The following CADM1 variants were observed in gnomAD, a reference collection of about 807,000 sequenced individuals.
CADM1 encodes TSLC-1.
A neutral mutation model predicts 53.1 loss-of-function variants in CADM1; 15 were observed. The ratio of observed to expected loss-of-function variants is 0.28; its 90% CI spans 0.19 to 0.44. The LOEUF is 0.44. CADM1 is among the 20% of genes least tolerant of loss of function. CADM1 has a pLI of 1.00. For synonymous variants in CADM1, 281 were observed against 243.0 expected, an observed-to-expected ratio of 1.16 and a Z score of -1.45; for missense variants, 434 against 611.3, an observed-to-expected ratio of 0.71 and a Z score of 3.06.
At chr11:115,493,328 T>TA (rs2135431713) in intron 1 of CADM1, among the ~76,000 whole-genome samples, 1 of 151,488 alleles carries the variant, frequency 6.6e-6, no homozygotes, top group Non-Finnish European at 1.5e-5. Context: ...AGCTCTTCTT[T>TA]ATTCAGAAAT....
intron 1 of CADM1, among the ~76,000 whole-genome samples, chr11:115,434,859 T>TC (rs1948144190): frequency 9.6e-6 from 1 of 104,158 alleles, no homozygotes; most frequent in Non-Finnish European, 2.5e-5. Flanking sequence ...TTATTATTAT[T>TC]ATTATTTTTT....
chr11:115,209,859 G>A (rs1391740212), intron 7 of CADM1, among the ~76,000 whole-genome samples: 1 of 152,144 alleles, frequency 6.6e-6, no homozygotes, highest in African/African-American at 2.4e-5. Context: ...AAGAAGAAAA[G>A]AGAATTTTCA....
intron 1 of CADM1, among the ~76,000 whole-genome samples, chr11:115,456,644 T>C (rs1948689679): frequency 1.3e-5 from 2 of 152,156 alleles, no homozygotes; most frequent in South Asian, 4.1e-4. Flanking sequence ...GCAAAAAACC[T>C]GGACTTTAAT....
intron 5 of CADM1, among the ~76,000 whole-genome samples, chr11:115,225,315 G>GT (rs989546454): frequency 6.8e-6 from 1 of 147,442 alleles, no homozygotes; most frequent in Admixed American, 6.7e-5. Context: ...AATAAAAAAG[G>GT]GGGGGGGACT....
chr11:115,373,771 T>C (rs1181683799), intron 1 of CADM1, among the ~76,000 whole-genome samples: 1 of 151,982 alleles, frequency 6.6e-6, no homozygotes, highest in African/African-American at 2.4e-5. Context: ...CCTGTGGAAA[T>C]TGTTAAAAAT....
chr11:115,370,662 A>G (rs953325290), intron 1 of CADM1, among the ~76,000 whole-genome samples: 1 of 152,178 alleles, frequency 6.6e-6, no homozygotes, highest in African/African-American at 2.4e-5. Context: ...TTTGAGAAAT[A>G]CATTTCCGTT....
At chr11:115,441,076 A>G in intron 1 of CADM1, among the ~76,000 whole-genome samples, 1 of 151,828 alleles carries the variant, frequency 6.6e-6, no homozygotes, top group East Asian at 1.9e-4. Flanking sequence ...TCAAGATTTT[A>G]TCAATCACTG....
chr11:115,328,728 A>C (rs1009589790), intron 1 of CADM1, among the ~76,000 whole-genome samples: 2 of 110,260 alleles, frequency 1.8e-5, no homozygotes. Context: ...ATATATATGT[A>C]TATACATATA....
At chr11:115,337,737 G>A (rs1307226058) in intron 1 of CADM1, among the ~76,000 whole-genome samples, 1 of 152,002 alleles carries the variant, frequency 6.6e-6, no homozygotes, top group Non-Finnish European at 1.5e-5. Context: ...CCACAGATGT[G>A]GTTAAATTAA....
At chr11:115,335,856 A>G (rs1018333957) in intron 1 of CADM1, among the ~76,000 whole-genome samples, 1 of 152,288 alleles carries the variant, frequency 6.6e-6, no homozygotes, top group African/African-American at 2.4e-5. Flanking sequence ...TTCACAGAGG[A>G]AGATGCAAGT....
chr11:115,298,692 T>G (rs775135197), intron 1 of CADM1, among the ~76,000 whole-genome samples: 1 of 152,196 alleles, frequency 6.6e-6, no homozygotes, highest in South Asian at 2.1e-4. Flanking sequence ...GGTTGGAAAA[T>G]CAGCGAAGAC....
intron 1 of CADM1, among the ~76,000 whole-genome samples, chr11:115,452,613 A>G (rs1392941064): frequency 6.6e-6 from 1 of 152,226 alleles, no homozygotes; most frequent in African/African-American, 2.4e-5. Context: ...ATCTGTCTCA[A>G]AATAAAATGT....
intron 1 of CADM1, among the ~76,000 whole-genome samples, chr11:115,410,334 C>T (rs1037918986): frequency 6.6e-6 from 1 of 152,190 alleles, no homozygotes. Flanking sequence ...CTGTGTTATC[C>T]TCATTATTCC....
Position 115,169,606 on chromosome 11 carries a change from A to G in CADM1, c.*6868T>C, listed in dbSNP as rs768435286. ...TGCCCTCATCACTTTATTCTGGGAGAGGAGGTTAGAGAAAACAGGCCTAGA... is the reference window on the plus strand; with the variant it reads ...TGCCCTCATCACTTTATTCTGGGAGGGGAGGTTAGAGAAAACAGGCCTAGA... On this transcript the variant is annotated 3_prime_UTR_variant, in exon 12 of 12. Coordinates refer to ENST00000331581, the MANE Select transcript of CADM1 (RefSeq NM_001301043.2). 2 of 456,590 alleles carry G rather than the reference A, an allele frequency of 4.4e-6. No individual in the cohort carries two copies. The highest frequency in any genetic ancestry group is 3.1e-5 in the South Asian group (2 of 64,554). The allele number at this position is 456,590 out of a possible 1,614,324, so 28.3% of individuals were successfully genotyped here.
chr11:115,460,743 G>A (rs555889870), intron 1 of CADM1, among the ~76,000 whole-genome samples: 2 of 151,462 alleles, frequency 1.3e-5, no homozygotes, highest in East Asian at 1.9e-4. Flanking sequence ...GGTCACTGGA[G>A]GTAAAAGTAA....
chr11:115,369,083 G>A (rs1003964131), intron 1 of CADM1, among the ~76,000 whole-genome samples: 1 of 110,738 alleles, frequency 9.0e-6, no homozygotes, highest in Non-Finnish European at 2.0e-5. Flanking sequence ...TTTGTTAGAT[G>A]AATCCTAAAA....
intron 1 of CADM1, among the ~76,000 whole-genome samples, chr11:115,396,513 C>T (rs1947001030): frequency 6.6e-6 from 1 of 152,146 alleles, no homozygotes; most frequent in African/African-American, 2.4e-5. Flanking sequence ...ACTTAACTAA[C>T]TTTATTTATT....
intron 1 of CADM1, among the ~76,000 whole-genome samples, chr11:115,255,659 G>A (rs915800343): frequency 1.3e-5 from 2 of 152,152 alleles, no homozygotes; most frequent in Admixed American, 6.5e-5. Context: ...GGTGTAATGG[G>A]ATAAAGAAGA....
intron 1 of CADM1, chr11:115,256,943 T>TA: frequency 2.2e-6 from 1 of 455,384 alleles, no homozygotes; most frequent in Non-Finnish European, 4.4e-6. Context: ...TTTGGTCTCT[T>TA]AAAAAAGTCG....
Sources: gnomAD v4.1 joint callset for allele counts (sites outside exome capture counted in the v4.1 genomes callset) on GRCh38, gnomAD v4.1.1 for gene constraint, MANE v1.5 for transcripts, NCBI Gene and HGNC (gene_info 2026-07-23, HGNC 2026-07-21) for gene names.